Variants in CTNNA3 observed in about 807,000 individuals in gnomAD.
The protein encoded by CTNNA3 is catenin alpha 3.
A neutral mutation model predicts 95.7 loss-of-function variants in CTNNA3; 76 were observed. The ratio of observed to expected loss-of-function variants is 0.79; its 90% confidence interval spans 0.66 to 0.96. The LOEUF (loss-of-function observed/expected upper bound fraction) is 0.96, where lower values mean the gene tolerates loss of function less well. Among genes scored for constraint, CTNNA3 ranks in the 40% least tolerant of loss-of-function variants. The probability of loss-of-function intolerance (pLI) is 0.00; values close to 1 mark genes in which losing one functional copy is unlikely to be tolerated. For synonymous variants in CTNNA3, 431 were observed against 374.4 expected (o/e 1.15, Z -1.74); for missense variants, 1,191 against 1,089.8 (o/e 1.09, Z -1.31).
chr10:66,314,859 A>C (rs1172417232), intron 12 of CTNNA3, among the ~76,000 whole-genome samples: 1 of 152,104 alleles, frequency 6.6e-6, no homozygotes, highest in African/African-American at 2.4e-5. Context: ...AGTTTTAAAA[A>C]AATCATATCA....
intron 13 of CTNNA3, among the ~76,000 whole-genome samples, chr10:66,146,093 C>G (rs947227846): frequency 3.9e-5 from 6 of 152,156 alleles, no homozygotes; most frequent in African/African-American, 1.2e-4. Context: ...ACCTTGTGAT[C>G]CACCTGCTTT....
chr10:66,544,633 A>C (rs1164813207), intron 10 of CTNNA3, among the ~76,000 whole-genome samples: 2 of 152,238 alleles, frequency 1.3e-5, no homozygotes, highest in South Asian at 2.1e-4. Flanking sequence ...TAGTCGTACC[A>C]TTTGAGCAAA....
intron 7 of CTNNA3, among the ~76,000 whole-genome samples, chr10:66,915,609 A>G (rs999186): frequency 0.31 from 46,732 of 151,450 alleles, 8,543 homozygotes; most frequent in East Asian, 0.47. Flanking sequence ...CATAGCTAGA[A>G]TTGGATATTG....
chr10:66,021,852 C>CTT lies in CTNNA3; in HGVS notation c.2160-33057_2160-33056dup, dbSNP rs34671813. On this transcript the variant is annotated intron_variant, in intron 15 of 17. Transcript: ENST00000433211. ...GGAAATTCCATATACAGGATCTTGG[C>CTT]TTTTTTTTTTTTTTTTAGATAGATA... Among the ~76,000 whole-genome samples the CTT allele has an allele frequency of 1.7e-4, 13 of 75,942 alleles. 3 individuals are homozygous for CTT. The highest frequency in any genetic ancestry group is 4.4e-4 in the African/African-American group (9 of 20,300). The allele number at this position is 75,942 out of a possible 152,430, so 49.8% of individuals were successfully genotyped here.
At chr10:66,303,585 C>T (rs2132235165) in intron 12 of CTNNA3, among the ~76,000 whole-genome samples, 1 of 152,054 alleles carries the variant, frequency 6.6e-6, no homozygotes, top group East Asian at 1.9e-4. Flanking sequence ...AAAGTCTTAT[C>T]TCAATATACA....
intron 5 of CTNNA3, among the ~76,000 whole-genome samples, chr10:67,476,864 C>A (rs558995652): frequency 6.6e-6 from 1 of 151,136 alleles, no homozygotes; most frequent in Admixed American, 6.6e-5. Context: ...GTTTCAGGTA[C>A]AGGGGAGCGC....
At chr10:67,367,030 C>T (rs950631068) in intron 5 of CTNNA3, among the ~76,000 whole-genome samples, 4 of 152,028 alleles carry the variant, frequency 2.6e-5, no homozygotes, top group African/African-American at 7.2e-5. Context: ...AGACATCAGC[C>T]TTGGAAAAGA....
intron 7 of CTNNA3, among the ~76,000 whole-genome samples, chr10:66,880,091 G>A (rs1844789076): frequency 1.3e-5 from 2 of 152,058 alleles, no homozygotes; most frequent in African/African-American, 4.8e-5. Flanking sequence ...AGACAGTATG[G>A]AGACAACTGC....
intron 7 of CTNNA3, among the ~76,000 whole-genome samples, chr10:66,918,727 GTTAATT>G (rs1436554154): frequency 6.6e-6 from 1 of 152,160 alleles, no homozygotes; most frequent in African/African-American, 2.4e-5. Flanking sequence ...TGAAGAACTT[GTTAATT>G]TTATTAGGTA....
intron 5 of CTNNA3, among the ~76,000 whole-genome samples, chr10:67,317,465 C>T (rs1174119650): frequency 2.7e-5 from 4 of 146,490 alleles, no homozygotes; most frequent in African/African-American, 1.0e-4. Flanking sequence ...CTCTCCCTGT[C>T]GCCAGGCTGC....
chr10:66,293,535 T>A (rs2091724952), intron 12 of CTNNA3, among the ~76,000 whole-genome samples: 1 of 152,106 alleles, frequency 6.6e-6, no homozygotes. Flanking sequence ...CTTTAGAAAA[T>A]TCCAGTAGTA....
intron 13 of CTNNA3, among the ~76,000 whole-genome samples, chr10:66,140,132 T>C (rs2083541483): frequency 6.6e-6 from 1 of 152,186 alleles, no homozygotes; most frequent in Non-Finnish European, 1.5e-5. Flanking sequence ...TCTAACTAAC[T>C]AATCGCCACA....
Position 67,400,082 on chromosome 10 carries a change from C to T in CTNNA3, c.579+121760G>A, listed in dbSNP as rs7917293. Among the ~76,000 whole-genome samples, 453 of 151,126 alleles carry T rather than the reference C, an allele frequency of 3.0e-3. 3 individuals are homozygous for T. Among genetic ancestry groups the T allele is most frequent in the African/African-American group, 0.011 (439 of 41,060 alleles). Reference sequence around the variant, plus strand: ...TATTCCCTCCCACCTCCCCCCACCCCACAACAGTCCCCGGTGTGTGATGTT... The same window carrying T: ...TATTCCCTCCCACCTCCCCCCACCCTACAACAGTCCCCGGTGTGTGATGTT... On this transcript the variant is annotated intron_variant, in intron 5 of 17. Transcript: ENST00000433211.
At chr10:67,300,917 C>G (rs903342496) in intron 5 of CTNNA3, among the ~76,000 whole-genome samples, 81 of 152,136 alleles carry the variant, frequency 5.3e-4, no homozygotes, top group African/African-American at 2.0e-3. Flanking sequence ...GCCTGTGAGA[C>G]AGGTAAGAAT....
intron 7 of CTNNA3, among the ~76,000 whole-genome samples, chr10:66,919,290 C>T (rs1172367509): frequency 6.6e-6 from 1 of 151,976 alleles, no homozygotes; most frequent in Non-Finnish European, 1.5e-5. Context: ...ATTTATTATA[C>T]TAGCCTCTCA....
chr10:67,542,749 G>A lies in CTNNA3; in HGVS notation c.293-3080C>T, dbSNP rs566920956. 2.0e-4 allele frequency among the ~76,000 whole-genome samples: 31 copies of A among 152,180 alleles called. No homozygotes were observed. In the South Asian group the frequency reaches 2.1e-3, roughly 10 times the overall value. On this transcript the variant is annotated intron_variant, in intron 3 of 17. Coordinates refer to ENST00000433211, the MANE Select transcript of CTNNA3 (RefSeq NM_013266.4). Reference sequence around the variant, plus strand: ...GAAGATATACAAAGGAATGTTCTAGGTAAAAGAAACATGTTCCAACTATTG... The same window carrying A: ...GAAGATATACAAAGGAATGTTCTAGATAAAAGAAACATGTTCCAACTATTG...
intron 10 of CTNNA3, among the ~76,000 whole-genome samples, chr10:66,621,059 T>C (rs1358354330): frequency 2.0e-5 from 3 of 152,164 alleles, no homozygotes; most frequent in Non-Finnish European, 4.4e-5. Flanking sequence ...TGTGTCACTC[T>C]TCAGATTTTA....
At chr10:67,646,391 T>C (rs910816657) in intron 2 of CTNNA3, among the ~76,000 whole-genome samples, 5 of 151,968 alleles carry the variant, frequency 3.3e-5, no homozygotes, top group Admixed American at 1.3e-4. Flanking sequence ...AGTCATCTAG[T>C]ATAAATTTCA....
At chr10:66,227,807 CTGTTGTTA>C (rs2089393386) in intron 13 of CTNNA3, among the ~76,000 whole-genome samples, 1 of 152,004 alleles carries the variant, frequency 6.6e-6, no homozygotes, top group South Asian at 2.1e-4. Flanking sequence ...AGGCTTTGTG[CTGTTGTTA>C]TTGGGAGATT....
Sources: allele counts gnomAD v4.1 joint callset (sites outside exome capture counted in the v4.1 genomes callset), GRCh38; gene constraint gnomAD v4.1.1; transcripts MANE v1.5; gene names NCBI Gene and HGNC (gene_info 2026-07-23, HGNC 2026-07-21).